EPHA6: variants seen among roughly 807,000 people sequenced by gnomAD.
The protein encoded by EPHA6 is EPH receptor A6, also known as ephrin type-A receptor 6.
A neutral mutation model predicts 112.0 loss-of-function variants in EPHA6; 50 were observed. That is an observed-to-expected ratio of 0.45 (90% CI 0.36 to 0.56). The LOEUF is 0.56. Ranked by LOEUF, EPHA6 falls within the 20% of genes least tolerant of loss-of-function variation. The probability of loss-of-function intolerance (pLI) is 0.00; values close to 1 mark genes in which losing one functional copy is unlikely to be tolerated. For synonymous variants in EPHA6, 529 were observed against 490.7 expected (o/e 1.08, Z -1.03); for missense variants, 1,280 against 1,417.4 (o/e 0.90, Z 1.56).
intron 2 of EPHA6, among the ~76,000 whole-genome samples, chr3:96,959,016 A>G (rs890980493): frequency 6.6e-6 from 1 of 152,176 alleles, no homozygotes; most frequent in Non-Finnish European, 1.5e-5. Flanking sequence ...AATTCTCTTG[A>G]GTATATACCT....
intron 5 of EPHA6, among the ~76,000 whole-genome samples, chr3:97,266,966 A>G (rs2079706081): frequency 6.6e-6 from 1 of 152,164 alleles, no homozygotes; most frequent in African/African-American, 2.4e-5. Context: ...ATAAAGGGGT[A>G]GAGTCATCAA....
At chr3:97,381,797 T>C (rs1013686484) in intron 5 of EPHA6, among the ~76,000 whole-genome samples, 14 of 152,246 alleles carry the variant, frequency 9.2e-5, no homozygotes, top group African/African-American at 3.4e-4. Context: ...AAAGAAACTT[T>C]TAGTCAGCTG....
intron 5 of EPHA6, among the ~76,000 whole-genome samples, chr3:97,282,284 A>G (rs761897331): frequency 6.6e-5 from 10 of 152,196 alleles, no homozygotes; most frequent in Non-Finnish European, 1.5e-4. Context: ...CAAAACCACA[A>G]TGAGATACCA....
intron 5 of EPHA6, among the ~76,000 whole-genome samples, chr3:97,392,743 T>A (rs1376908275): frequency 6.6e-6 from 1 of 151,768 alleles, no homozygotes; most frequent in Non-Finnish European, 1.5e-5. Flanking sequence ...GTAATATTAG[T>A]TAAAATGATT....
At chr3:97,675,771 A>G (rs995255435) in intron 14 of EPHA6, among the ~76,000 whole-genome samples, 1 of 152,220 alleles carries the variant, frequency 6.6e-6, no homozygotes, top group Non-Finnish European at 1.5e-5. Context: ...TACATCAAAA[A>G]ATAGACTATC....
At chr3:97,390,711 T>G (rs1243662690) in intron 5 of EPHA6, among the ~76,000 whole-genome samples, 1 of 151,956 alleles carries the variant, frequency 6.6e-6, no homozygotes, top group Non-Finnish European at 1.5e-5. Flanking sequence ...TCTATGGAAC[T>G]CAGCAAAATT....
chr3:97,407,347 A>AACACACACACAC (rs34259097), intron 6 of EPHA6, among the ~76,000 whole-genome samples: 3,205 of 147,314 alleles, frequency 0.022, 95 homozygotes, highest in African/African-American at 0.073. Flanking sequence ...ACTGAAATTA[A>AACACACACACAC]ACACACACAC....
intron 3 of EPHA6, among the ~76,000 whole-genome samples, chr3:97,017,506 C>T (rs2044304096): frequency 6.6e-6 from 1 of 152,070 alleles, no homozygotes; most frequent in African/African-American, 2.4e-5. Flanking sequence ...TGCTTGGGGG[C>T]CCCAAATAAA....
intron 3 of EPHA6, among the ~76,000 whole-genome samples, chr3:97,127,907 G>A (rs2048227358): frequency 6.6e-6 from 1 of 151,646 alleles, no homozygotes; most frequent in Non-Finnish European, 1.5e-5. Context: ...GGAGTACATA[G>A]ATTTTTAGTT....
chr3:97,235,673 T>C (rs910010267), intron 4 of EPHA6, among the ~76,000 whole-genome samples: 1 of 152,140 alleles, frequency 6.6e-6, no homozygotes, highest in South Asian at 2.1e-4. Context: ...ACTTTGATCA[T>C]ATCCCCACTG....
chr3:96,994,732 T>TATATATAGAGAGAGAGAGAGAGAGAG (rs1170197805), intron 3 of EPHA6, among the ~76,000 whole-genome samples: 5 of 82,200 alleles, frequency 6.1e-5, no homozygotes, highest in African/African-American at 3.2e-4. Context: ...TATATATATA[T>TATATATAGAGAGAGAGAGAGAGAGAG]AGAGAGAGAG....
chr3:96,885,419 GT>G (rs1169829848), intron 2 of EPHA6, among the ~76,000 whole-genome samples: 1 of 152,020 alleles, frequency 6.6e-6, no homozygotes, highest in Non-Finnish European at 1.5e-5. Context: ...TTATTGGTCT[GT>G]TTGTGGTATC....
At chr3:97,470,159 C>T (rs2091184875) in intron 7 of EPHA6, among the ~76,000 whole-genome samples, 1 of 151,674 alleles carries the variant, frequency 6.6e-6, no homozygotes, top group Non-Finnish European at 1.5e-5. Context: ...TTATGTGTTG[C>T]TAAATGCTTA....
intron 1 of EPHA6, among the ~76,000 whole-genome samples, chr3:96,838,643 G>T (rs1179556200): frequency 6.6e-6 from 1 of 151,772 alleles, no homozygotes; most frequent in Non-Finnish European, 1.5e-5. Flanking sequence ...TCAATTAAAA[G>T]GTCTCTGCTT....
chr3:96,880,697 C>T (rs976025645), intron 2 of EPHA6, among the ~76,000 whole-genome samples: 1 of 152,080 alleles, frequency 6.6e-6, no homozygotes, highest in Non-Finnish European at 1.5e-5. Flanking sequence ...TTCCTCCCCC[C>T]ACCTCACGCG....
At chr3:97,556,438 C>G (rs2093110925) in intron 11 of EPHA6, among the ~76,000 whole-genome samples, 1 of 151,948 alleles carries the variant, frequency 6.6e-6, no homozygotes, top group Non-Finnish European at 1.5e-5. Flanking sequence ...ACAGTCATGA[C>G]AGGAAGGGGA....
At chr3:97,186,050 C>T (rs1006566282) in intron 3 of EPHA6, among the ~76,000 whole-genome samples, 8 of 115,768 alleles carry the variant, frequency 6.9e-5, no homozygotes, top group South Asian at 2.8e-4. Flanking sequence ...CATCACACAC[C>T]GGGGACTGTT....
At chr3:97,227,525 C>G (rs552379833) in intron 4 of EPHA6, among the ~76,000 whole-genome samples, 1 of 152,282 alleles carries the variant, frequency 6.6e-6, no homozygotes, top group South Asian at 2.1e-4. Flanking sequence ...CTGGCCGAAA[C>G]TATTTTTTAT....
chr3:97,531,205 TTA>T (rs755053058), intron 10 of EPHA6, among the ~76,000 whole-genome samples: 45 of 152,132 alleles, frequency 3.0e-4, no homozygotes, highest in Non-Finnish European at 4.4e-4. Context: ...TATTCTCACT[TTA>T]TATATTAATA....
Sources: allele counts gnomAD v4.1 joint callset (sites outside exome capture counted in the v4.1 genomes callset), GRCh38; gene constraint gnomAD v4.1.1; transcripts MANE v1.5; gene names NCBI Gene and HGNC (gene_info 2026-07-23, HGNC 2026-07-21).